The following C6orf62 variants were observed in gnomAD, a reference collection of about 807,000 sequenced individuals.
The protein encoded by C6orf62 is uncharacterized protein C6orf62.
In C6orf62, 16 loss-of-function variants were observed where a neutral mutation model predicts 26.8. The observed-to-expected ratio is 0.60, with a 90% CI of 0.40 to 0.91. The LOEUF is 0.91. Ranked by LOEUF, C6orf62 falls within the 40% of genes least tolerant of loss-of-function variation. The pLI is 0.00. For missense variants in C6orf62, 192 were observed against 271.4 expected (o/e 0.71, Z 2.06); for synonymous variants, 112 against 91.5 (o/e 1.22, Z -1.28).
At position 24,705,985 on chromosome 6, in the gene C6orf62, T is replaced by TA. The variant is rs1778999255; in HGVS notation, c.*151dup. 4.2e-6 allele frequency: 5 copies of TA among 1,194,564 alleles called. No homozygotes were observed. Among genetic ancestry groups the TA allele is most frequent in the Admixed American group, 6.2e-5 (2 of 32,344 alleles). 74.0% of individuals were successfully genotyped at this position (1,194,564 alleles called of 1,614,324 possible). ...TTTAAGTTCTGAGATAAAAATGATT[T>TA]AAAAAAATCCAGGATGAACAAGTTT... On this transcript the variant is annotated 3_prime_UTR_variant, in exon 5 of 5. Coordinates refer to ENST00000378119, the MANE Select transcript of C6orf62 (RefSeq NM_030939.5).
At chr6:24,708,964 ATC>A in intron 3 of C6orf62, 53 bp from the exon 4 acceptor site, 1 of 1,609,292 alleles carries the variant, frequency 6.2e-7, no homozygotes, top group Non-Finnish European at 8.5e-7. Flanking sequence ...TATACTACCT[ATC>A]TGCATCTATA....
intron 3 of C6orf62, chr6:24,709,966 T>C (rs754843196): frequency 2.2e-5 from 22 of 985,292 alleles, no homozygotes; most frequent in Non-Finnish European, 2.5e-5. Context: ...TCCTGCTATG[T>C]AGCATTTTAT....
intron 1 of C6orf62, among the ~76,000 whole-genome samples, chr6:24,717,784 C>T (rs1306649347): frequency 6.6e-6 from 1 of 152,236 alleles, no homozygotes; most frequent in East Asian, 1.9e-4. Context: ...ATAACCTCAT[C>T]TTTGGTCAAA....
chr6:24,719,821 T>TCCCCCCCCCCCCCCCCCCC, upstream of C6orf62: 1 of 829,412 alleles, frequency 1.2e-6, no homozygotes, highest in Non-Finnish European at 1.8e-6. Context: ...CCCCCGCAGG[T>TCCCCCCCCCCCCCCCCCCC]CCCACCCCCA....
chr6:24,712,463 G>C (rs1314065043), intron 3 of C6orf62, among the ~76,000 whole-genome samples: 1 of 151,992 alleles, frequency 6.6e-6, no homozygotes, highest in African/African-American at 2.4e-5. Flanking sequence ...GAGGTCAAGA[G>C]ATCGAGACCA....
rs781301294 is a variant in C6orf62, at chr6:24,706,229, A to G, written c.598T>C (p.Cys200Arg). 44 of 1,614,142 alleles carry G rather than the reference A, an allele frequency of 2.7e-5. No homozygotes were observed. The highest frequency in any genetic ancestry group is 5.5e-5 in the South Asian group (5 of 91,094). The change falls in exon 5 of 5, where the codon TGC becomes CGC. Residue 200 changes from cysteine to arginine, a missense_variant. Coordinates refer to ENST00000378119, the MANE Select transcript of C6orf62 (RefSeq NM_030939.5). ...PKNKATIFKL[C>R]SICLYLPQEQ... ...TGTGGCAGGTAGAGGCAGATGCTGC[A>G]TAACTTGAAGATTGTAGCTTTGTTT...
At chr6:24,709,833 TAACA>T (rs950653271) in intron 3 of C6orf62, 31 of 985,348 alleles carry the variant, frequency 3.1e-5, no homozygotes, top group African/African-American at 3.5e-5. Flanking sequence ...AACCTAGATT[TAACA>T]ATATGATATT....
At chr6:24,715,888 C>A (rs1779218095) in intron 2 of C6orf62, among the ~76,000 whole-genome samples, 1 of 148,640 alleles carries the variant, frequency 6.7e-6, no homozygotes, top group Admixed American at 6.7e-5. Flanking sequence ...ATCATCAACA[C>A]CTAACACAGA....
chr6:24,711,559 C>CT (rs1238966355), intron 3 of C6orf62, among the ~76,000 whole-genome samples: 2 of 152,084 alleles, frequency 1.3e-5, no homozygotes, highest in Admixed American at 6.6e-5. Context: ...CTTTGGGAGG[C>CT]TGAGGCAAGA....
At position 24,708,758 on chromosome 6, in the gene C6orf62, T is replaced by A. The variant is rs1779063878; in HGVS notation, c.564+19A>T. 6.2e-7 allele frequency: 1 copy of A among 1,614,014 alleles called. No homozygotes were observed. The highest frequency in any genetic ancestry group is 1.7e-5 in the Admixed American group (1 of 59,978). On this transcript the variant is annotated intron_variant, in intron 4 of 4. Transcript: ENST00000378119. ...GTTTTTGAATGAGCCTGTAAGTGGT[T>A]TTCAAAAAAGCTGCTTACCTGCAAG...
chr6:24,715,623 G>A (rs751360777), intron 2 of C6orf62, among the ~76,000 whole-genome samples: 10 of 152,082 alleles, frequency 6.6e-5, no homozygotes, highest in Non-Finnish European at 1.2e-4. Flanking sequence ...AAGGCAGGAG[G>A]ATCACTTGAG....
chr6:24,718,584 G>C lies in C6orf62; in HGVS notation c.85C>G (p.Gln29Glu). The change falls in exon 1 of 5, where the codon CAG (glutamine) becomes GAG (glutamate). Residue 29 changes from glutamine to glutamate, a missense_variant. Physicochemically the swap from Gln to Glu is conservative, Grantham distance 29 (BLOSUM62 2). Coordinates refer to ENST00000378119, the MANE Select transcript of C6orf62 (RefSeq NM_030939.5). ...LRKKKESLAD[Q>E]FDFKMYIAFV... ...GCAATATACATCTTGAAGTCAAACT[G>C]GTCAGCTAGAGATTCTTTTTTCTTT... 6.2e-7 allele frequency: 1 copy of C among 1,613,794 alleles called. No individual in the cohort carries two copies. The highest frequency in any genetic ancestry group is 2.2e-5 in the East Asian group (1 of 44,858).
At chr6:24,710,389 C>T (rs562966888) in intron 3 of C6orf62, 7 of 423,004 alleles carry the variant, frequency 1.7e-5, no homozygotes, top group Middle Eastern at 2.4e-3. Context: ...CCTCAGCCTC[C>T]CAAGTAGCTG....
upstream of C6orf62, chr6:24,719,335 G>C (rs1162685026): frequency 1.0e-6 from 1 of 997,458 alleles, no homozygotes; most frequent in Non-Finnish European, 1.2e-6. Context: ...GCTTGTTATT[G>C]ATTACACTTG....
Position 24,719,059 on chromosome 6 carries a change from T to C in C6orf62, c.-391A>G, listed in dbSNP as rs1032456210. 2.7e-5 allele frequency: 28 copies of C among 1,035,360 alleles called. No homozygotes were observed. Among genetic ancestry groups the C allele is most frequent in the Admixed American group, 5.7e-5 (1 of 17,400 alleles). The allele number at this position is 1,035,360 out of a possible 1,614,324, so 64.1% of individuals were successfully genotyped here. ...ATTTAGGTGTGCAATAAAACACAGC[T>C]GACACCAGACCAATCCCTAAAATCC... On this transcript the variant is annotated 5_prime_UTR_variant, in exon 1 of 5. Coordinates refer to ENST00000378119, the MANE Select transcript of C6orf62 (RefSeq NM_030939.5).
At chr6:24,720,209 C>T, upstream of C6orf62, 2 of 1,352,442 alleles carry the variant, frequency 1.5e-6, no homozygotes. Context: ...GAGCCCGGGA[C>T]TCACGGACCG....
At chr6:24,712,059 T>G (rs1018751872) in intron 3 of C6orf62, among the ~76,000 whole-genome samples, 1 of 152,122 alleles carries the variant, frequency 6.6e-6, no homozygotes, top group Non-Finnish European at 1.5e-5. Context: ...CCCAGTTATT[T>G]TAAGGACTGA....
chr6:24,706,278 A>G lies in C6orf62; in HGVS notation c.565-16T>C. On this transcript the variant is annotated splice_polypyrimidine_tract_variant and intron_variant, in intron 4 of 4. Transcript: ENST00000378119. ...TTTTTGGAGTCTGGAAGGGGAAAACATTTTAATATTTTTTAAAAATAAGAC... is the reference window on the plus strand; with the variant it reads ...TTTTTGGAGTCTGGAAGGGGAAAACGTTTTAATATTTTTTAAAAATAAGAC... 6.2e-7 allele frequency: 1 copy of G among 1,613,030 alleles called. No individual in the cohort carries two copies.
At chr6:24,717,604 G>A (rs1581400469) in intron 1 of C6orf62, among the ~76,000 whole-genome samples, 1 of 152,124 alleles carries the variant, frequency 6.6e-6, no homozygotes, top group African/African-American at 2.4e-5. Context: ...GACTAGCCTG[G>A]GCAATACAGT....
Sources: gnomAD v4.1 joint callset for allele counts (sites outside exome capture counted in the v4.1 genomes callset) on GRCh38, gnomAD v4.1.1 for gene constraint, MANE v1.5 for transcripts, NCBI Gene and HGNC (gene_info 2026-07-23, HGNC 2026-07-21) for gene names.